The following HOOK3 variants were observed in gnomAD, a reference collection of about 807,000 sequenced individuals.
HOOK3 encodes protein Hook homolog 3.
In HOOK3, 24 loss-of-function variants were observed where a neutral mutation model predicts 116.3. The observed-to-expected ratio is 0.21, with a 90% CI of 0.15 to 0.29. The LOEUF (loss-of-function observed/expected upper bound fraction) is 0.29. Among genes scored for constraint, HOOK3 ranks in the 10% least tolerant of loss-of-function variants. HOOK3 has a pLI of 1.00. For synonymous variants in HOOK3, 275 were observed against 283.0 expected (o/e 0.97, Z 0.28); for missense variants, 632 against 830.2 (o/e 0.76, Z 2.93).
chr8:42,998,473 T>C (rs1769854058), intron 16 of HOOK3, among the ~76,000 whole-genome samples: 1 of 152,192 alleles, frequency 6.6e-6, no homozygotes, highest in African/African-American at 2.4e-5. Flanking sequence ...TTTGTTTCCA[T>C]TGATAGAGTC....
intron 5 of HOOK3, among the ~76,000 whole-genome samples, chr8:42,944,041 AC>A (rs1357709559): frequency 1.3e-5 from 2 of 152,184 alleles, no homozygotes; most frequent in African/African-American, 4.8e-5. Flanking sequence ...TAGTGCCTTG[AC>A]TATCTTTTAA....
In HOOK3 at chr8:42,973,414, T is replaced by G; in HGVS notation, c.1233+15T>G. The G allele has an allele frequency of 1.3e-6, 2 of 1,565,744 alleles. No homozygotes were observed. Among genetic ancestry groups the G allele is most frequent in the Non-Finnish European group, 1.7e-6 (2 of 1,151,202 alleles). On this transcript the variant is annotated intron_variant, in intron 12 of 21. Transcript: ENST00000307602. The stretch of plus-strand genomic sequence containing the variant: ...AAGAAAAGGACGTGAGTATATATAT[T>G]AGGCATTTTGGTTTTGAGCACTGCT...
chr8:42,978,263 A>G (rs1015956647), intron 13 of HOOK3, among the ~76,000 whole-genome samples: 1 of 152,032 alleles, frequency 6.6e-6, no homozygotes, highest in Non-Finnish European at 1.5e-5. Flanking sequence ...TTTTTTTGAG[A>G]TGGAGTTTCG....
At chr8:42,899,809 C>A (rs1201224265) in intron 1 of HOOK3, among the ~76,000 whole-genome samples, 2 of 152,162 alleles carry the variant, frequency 1.3e-5, no homozygotes, top group Non-Finnish European at 2.9e-5. Context: ...TGAATGATTC[C>A]GTCTTTGGGA....
At chr8:42,949,647 C>T (rs561436652) in intron 5 of HOOK3, among the ~76,000 whole-genome samples, 43 of 152,228 alleles carry the variant, frequency 2.8e-4, no homozygotes, top group African/African-American at 9.6e-4. Context: ...AGGCTGGGCA[C>T]GGTGGCTCAC....
At position 42,969,746 on chromosome 8, in the gene HOOK3, A is replaced by G. The variant is rs182567051; in HGVS notation, c.1122+1532A>G. On this transcript the variant is annotated intron_variant, in intron 11 of 21. Coordinates refer to ENST00000307602, the MANE Select transcript of HOOK3 (RefSeq NM_032410.4). The stretch of plus-strand genomic sequence containing the variant: ...ATACTTCATGTTACCCTGATTACAA[A>G]TATATTTACTGACCATATTTCTTTT... Among the ~76,000 whole-genome samples, 686 of 152,336 alleles carry G rather than the reference A, an allele frequency of 4.5e-3. 6 individuals carry two copies. The highest frequency in any genetic ancestry group is 7.8e-3 in the Non-Finnish European group (533 of 68,034).
At chr8:42,904,517 TAGTC>T (rs989862550) in intron 1 of HOOK3, among the ~76,000 whole-genome samples, 10 of 152,002 alleles carry the variant, frequency 6.6e-5, no homozygotes, top group Admixed American at 2.6e-4. Flanking sequence ...TTCACTGTGT[TAGTC>T]AGGATGGTTC....
intron 2 of HOOK3, among the ~76,000 whole-genome samples, chr8:42,911,478 A>G (rs2130332760): frequency 6.6e-6 from 1 of 152,292 alleles, no homozygotes; most frequent in South Asian, 2.1e-4. Context: ...TAAGGGCTAT[A>G]AGAAGCAGTT....
chr8:43,002,833 A>T (rs974574266), intron 17 of HOOK3, among the ~76,000 whole-genome samples: 1 of 152,200 alleles, frequency 6.6e-6, no homozygotes, highest in African/African-American at 2.4e-5. Context: ...ACATGCCAGC[A>T]CACCCAGTCT....
intron 14 of HOOK3, among the ~76,000 whole-genome samples, chr8:42,984,162 G>T (rs1003287583): frequency 2.0e-5 from 3 of 152,134 alleles, no homozygotes; most frequent in Non-Finnish European, 4.4e-5. Flanking sequence ...GAGGTCAGGA[G>T]TTCAAGACCA....
At chr8:42,929,392 T>C (rs996289352) in intron 3 of HOOK3, among the ~76,000 whole-genome samples, 4 of 152,200 alleles carry the variant, frequency 2.6e-5, no homozygotes, top group Non-Finnish European at 4.4e-5. Context: ...CCTACTAGCT[T>C]CTTTTCTAGG....
intron 14 of HOOK3, among the ~76,000 whole-genome samples, chr8:42,985,003 G>A (rs1488692729): frequency 6.6e-6 from 1 of 152,162 alleles, no homozygotes; most frequent in Admixed American, 6.5e-5. Flanking sequence ...GAGCTATCAA[G>A]GAAAAATGAT....
At chr8:43,008,611 A>G (rs1443004679) in intron 18 of HOOK3, among the ~76,000 whole-genome samples, 1 of 150,558 alleles carries the variant, frequency 6.6e-6, no homozygotes, top group Non-Finnish European at 1.5e-5. Flanking sequence ...GAGCAACCAT[A>G]CCTGGCCTAT....
In HOOK3 at chr8:43,010,825, A is replaced by G. The variant is rs1396026950; in HGVS notation, c.1839+420A>G. Among the ~76,000 whole-genome samples the G allele has an allele frequency of 2.0e-5, 3 of 152,318 alleles. No individual in the cohort carries two copies. The East Asian group carries it at 5.8e-4, about 29-fold the overall frequency. ...AACAAGCTAAATAACACGTTCAGGA[A>G]ACCATCAGGTAAATTCAAAATTTGG... On this transcript the variant is annotated intron_variant, in intron 19 of 21. Transcript: ENST00000307602.
intron 2 of HOOK3, among the ~76,000 whole-genome samples, chr8:42,909,808 C>T (rs1247681768): frequency 6.6e-6 from 1 of 152,106 alleles, no homozygotes; most frequent in East Asian, 1.9e-4. Context: ...CGTGGACAAA[C>T]CTGAAGGACA....
At chr8:42,920,056 G>A (rs1807626862) in intron 2 of HOOK3, among the ~76,000 whole-genome samples, 1 of 152,094 alleles carries the variant, frequency 6.6e-6, no homozygotes, top group Non-Finnish European at 1.5e-5. Context: ...TAAGCTGTGA[G>A]TGGTACAAAA....
chr8:43,025,339 G>A lies in HOOK3; in HGVS notation c.*6841G>A, dbSNP rs149696111. ...TAGAAACCTAAGAACATAATGGAAGGCTATTAAGGCAAATTCATTCCTAGA... is the reference window on the plus strand; with the variant it reads ...TAGAAACCTAAGAACATAATGGAAGACTATTAAGGCAAATTCATTCCTAGA... On this transcript the variant is annotated 3_prime_UTR_variant, in exon 22 of 22. Coordinates refer to ENST00000307602, the MANE Select transcript of HOOK3 (RefSeq NM_032410.4). 1 of 211,508 alleles carries A rather than the reference G, an allele frequency of 4.7e-6. No individual in the cohort carries two copies. The highest frequency in any genetic ancestry group is 9.6e-6 in the Non-Finnish European group (1 of 104,342). The allele number at this position is 211,508 out of a possible 1,614,324, so 13.1% of individuals were successfully genotyped here. A position where few individuals can be genotyped will look rare whatever the true frequency, so the allele number is the denominator to read the frequency against.
chr8:42,984,514 G>A (rs1809013118), intron 14 of HOOK3, among the ~76,000 whole-genome samples: 1 of 152,100 alleles, frequency 6.6e-6, no homozygotes, highest in African/African-American at 2.4e-5. Flanking sequence ...AAATGAACAC[G>A]TATTTATGAA....
chr8:43,011,090 T>G (rs1169085253), intron 19 of HOOK3, among the ~76,000 whole-genome samples: 2 of 152,044 alleles, frequency 1.3e-5, no homozygotes, highest in East Asian at 3.9e-4. Context: ...CCTCCCGGGT[T>G]CACGCCATTC....
Sources: allele counts gnomAD v4.1 joint callset (sites outside exome capture counted in the v4.1 genomes callset), GRCh38; gene constraint gnomAD v4.1.1; transcripts MANE v1.5; gene names NCBI Gene and HGNC (gene_info 2026-07-23, HGNC 2026-07-21).